PAK6: variants seen among roughly 807,000 people sequenced by gnomAD.
PAK6 encodes serine/threonine-protein kinase PAK 6.
A neutral mutation model predicts 60.8 loss-of-function variants in PAK6; 33 were observed. The observed-to-expected ratio is 0.54, with a 90% CI of 0.41 to 0.73. The LOEUF (loss-of-function observed/expected upper bound fraction) is 0.73. Among genes scored for constraint, PAK6 ranks in the 30% least tolerant of loss-of-function variants. The pLI, the probability that PAK6 is intolerant of heterozygous loss-of-function variation, is 0.00. For synonymous variants in PAK6, 404 were observed against 378.5 expected, an observed-to-expected ratio of 1.07 and a Z score of -0.78; for missense variants, 845 against 904.1, an observed-to-expected ratio of 0.93 and a Z score of 0.84.
At position 40,250,462 on chromosome 15, in the gene PAK6, T is replaced by C. The variant is rs114829315; in HGVS notation, c.-117-2716T>C. 9.7e-3 allele frequency among the ~76,000 whole-genome samples: 1,474 copies of C among 152,264 alleles called. 25 individuals carry two copies. The highest frequency in any genetic ancestry group is 0.033 in the African/African-American group (1,388 of 41,548). On this transcript the variant is annotated intron_variant, in intron 2 of 10. Coordinates refer to ENST00000560346, the Ensembl canonical transcript of PAK6. Reference sequence around the variant, plus strand: ...GACGGTTATTCTTGAATACCTCCAGTGATGGGGGACTCATTACCTCCTTGG... The same window carrying C: ...GACGGTTATTCTTGAATACCTCCAGCGATGGGGGACTCATTACCTCCTTGG...
chr15:40,272,247 G>A (rs141886873), exon 6 of PAK6: 164 of 1,610,060 alleles, frequency 1.0e-4, no homozygotes, highest in Non-Finnish European at 1.1e-4. Context: ...TCCGACCGCC[G>A]CAGAAAGACA....
In PAK6 at chr15:40,248,505, G is replaced by C. The variant is rs7162821; in HGVS notation, c.-117-4673G>C. ...CCCACCTCCCCGGCAGGTCCTGCTTGAGGGCCTGAGGCGACTGGGCCATCT... is the reference window on the plus strand; with the variant it reads ...CCCACCTCCCCGGCAGGTCCTGCTTCAGGGCCTGAGGCGACTGGGCCATCT... On this transcript the variant is annotated intron_variant, in intron 2 of 10. Coordinates refer to ENST00000560346, the Ensembl canonical transcript of PAK6. 1.3e-3 allele frequency among the ~76,000 whole-genome samples: 201 copies of C among 152,312 alleles called. 1 individual carries two copies. Among genetic ancestry groups the C allele is most frequent in the African/African-American group, 4.5e-3 (186 of 41,568 alleles).
exon 11 of PAK6, chr15:40,276,324 C>G: frequency 1.8e-6 from 1 of 551,112 alleles, no homozygotes; most frequent in East Asian, 3.0e-5. Context: ...ACAGGATGAC[C>G]CCTTGATATT....
chr15:40,257,690 T>C lies in PAK6; in HGVS notation c.-6+4401T>C, dbSNP rs145260586. On this transcript the variant is annotated intron_variant, in intron 3 of 10. Transcript: ENST00000560346. Reference sequence around the variant, plus strand: ...TTGAGGTTTAACGGCAGGCATCCTCTGTAGTGCCACCCTGCATCTGTGGGG... The same window carrying C: ...TTGAGGTTTAACGGCAGGCATCCTCCGTAGTGCCACCCTGCATCTGTGGGG... Among the ~76,000 whole-genome samples the C allele has an allele frequency of 9.9e-3, 1,505 of 152,312 alleles. 26 individuals are homozygous for C. The highest frequency in any genetic ancestry group is 0.034 in the African/African-American group (1,410 of 41,568).
exon 6 of PAK6, chr15:40,272,501 G>T: frequency 6.2e-7 from 1 of 1,613,866 alleles, no homozygotes; most frequent in South Asian, 1.1e-5. Context: ...GCCCTGGCTG[G>T]TGAGGACACA....
At chr15:40,264,420 C>T (rs2039064467) in intron 3 of PAK6, 1 of 471,662 alleles carries the variant, frequency 2.1e-6, no homozygotes, top group African/African-American at 2.0e-5. Context: ...CCCTCTTTCC[C>T]CATTTTTAAA....
intron 2 of PAK6, among the ~76,000 whole-genome samples, chr15:40,241,411 C>T (rs1329682804): frequency 2.0e-5 from 3 of 152,016 alleles, no homozygotes; most frequent in Admixed American, 6.6e-5. Context: ...AGCTTAGGAG[C>T]CGTGTGGCCC....
exon 11 of PAK6, chr15:40,276,239 C>A: frequency 1.2e-6 from 1 of 813,940 alleles, no homozygotes; most frequent in Non-Finnish European, 1.9e-6. Flanking sequence ...CTCTGCCCTT[C>A]AGCCTACTGG....
chr15:40,254,390 G>A (rs2038779620), intron 3 of PAK6, among the ~76,000 whole-genome samples: 2 of 152,160 alleles, frequency 1.3e-5, no homozygotes, highest in South Asian at 4.1e-4. Context: ...ATAAAGTAAA[G>A]GTAGGGGTCC....
chr15:40,271,271 C>T (rs559271212), intron 5 of PAK6, among the ~76,000 whole-genome samples: 1 of 152,210 alleles, frequency 6.6e-6, no homozygotes, highest in Non-Finnish European at 1.5e-5. Context: ...GGCTTGGGCT[C>T]GGAAAAGCAA....
exon 11 of PAK6, chr15:40,276,749 C>CGTGTGTGAGTGTGTGTGT (rs371193727): frequency 7.4e-6 from 1 of 134,436 alleles, no homozygotes; most frequent in Non-Finnish European, 1.6e-5. Flanking sequence ...GAGAGAACAT[C>CGTGTGTGAGTGTGTGTGT]GTGTGTGTGT....
At chr15:40,273,868 G>A in intron 9 of PAK6, 192 bp downstream of exon 9, 1 of 734,780 alleles carries the variant, frequency 1.4e-6, no homozygotes. Flanking sequence ...AGTCCTGCAA[G>A]TGCTTTCCTC....
At chr15:40,252,386 G>A in intron 2 of PAK6, 4 of 1,328,680 alleles carry the variant, frequency 3.0e-6, no homozygotes, top group African/African-American at 1.5e-5. Context: ...CGGAGGCGAA[G>A]GGCGGGCGGG....
chr15:40,245,489 G>T (rs2038473361), intron 2 of PAK6: 1 of 152,254 alleles, frequency 6.6e-6, no homozygotes, highest in Non-Finnish European at 1.5e-5. Context: ...ATGGAATTGT[G>T]CAAGAAAGCA....
At chr15:40,254,685 G>A (rs1452232118) in intron 3 of PAK6, among the ~76,000 whole-genome samples, 1 of 152,224 alleles carries the variant, frequency 6.6e-6, no homozygotes, top group Non-Finnish European at 1.5e-5. Context: ...TTGTGGATGA[G>A]CCTGGAGTTT....
At chr15:40,249,686 A>G (rs149171535) in intron 2 of PAK6, among the ~76,000 whole-genome samples, 13 of 152,304 alleles carry the variant, frequency 8.5e-5, no homozygotes, top group African/African-American at 3.1e-4. Flanking sequence ...GTCTTTCTAA[A>G]CCACAAGCTG....
chr15:40,263,082 C>T (rs1406591697), intron 3 of PAK6, among the ~76,000 whole-genome samples: 1 of 152,178 alleles, frequency 6.6e-6, no homozygotes, highest in Non-Finnish European at 1.5e-5. Flanking sequence ...ATGGTGAATT[C>T]CTAGTGGGGA....
intron 2 of PAK6, among the ~76,000 whole-genome samples, chr15:40,249,904 G>C (rs1460741250): frequency 6.6e-6 from 1 of 152,248 alleles, no homozygotes; most frequent in Non-Finnish European, 1.5e-5. Context: ...ATGTCCCCCT[G>C]TGAAATGTCT....
chr15:40,273,584 A>G (rs906266834), exon 9 of PAK6: 15 of 1,613,890 alleles, frequency 9.3e-6, no homozygotes, highest in African/African-American at 1.3e-5. Context: ...CTGTGCTCAG[A>G]TCAGCAAAGA....
Sources: gnomAD v4.1 joint callset for allele counts (sites outside exome capture counted in the v4.1 genomes callset) on GRCh38, gnomAD v4.1.1 for gene constraint, MANE v1.5 for transcripts, NCBI Gene and HGNC (gene_info 2026-07-23, HGNC 2026-07-21) for gene names.